Variants in SMARCD2 observed in about 807,000 individuals in gnomAD.
The protein encoded by SMARCD2 is SWI/SNF related BAF chromatin remodeling complex subunit D2, also known as SWI/SNF-related matrix-associated actin-dependent regulator of chromatin subfamily D member 2.
SMARCD2 carries 39 observed loss-of-function variants against 70.4 expected under a neutral mutation model. The ratio of observed to expected loss-of-function variants is 0.55; its 90% CI spans 0.43 to 0.72. SMARCD2 has a LOEUF of 0.72. SMARCD2 is among the 30% of genes least tolerant of loss of function. The pLI is 0.00. For synonymous variants in SMARCD2, 249 were observed against 279.4 expected (o/e 0.89, Z 1.08); for missense variants, 540 against 713.4 (o/e 0.76, Z 2.77).
rs910899611 is a variant in SMARCD2 at position 63,832,548 on chromosome 17, G to A, written c.*390C>T. On this transcript the variant is annotated 3_prime_UTR_variant, in exon 13 of 13. Transcript: ENST00000448276. ...GGTTTAGAAAGGCTAGGAAGAGTCTGGGCTGCACCTCCTCTTCCTAGCCCA... is the reference window on the plus strand; with the variant it reads ...GGTTTAGAAAGGCTAGGAAGAGTCTAGGCTGCACCTCCTCTTCCTAGCCCA... The A allele has an allele frequency of 6.6e-6, 2 of 304,092 alleles. No homozygotes were observed. The highest frequency in any genetic ancestry group is 9.4e-5 in the Admixed American group (2 of 21,370). 18.8% of individuals were successfully genotyped at this position (304,092 alleles called of 1,614,324 possible).
Position 63,842,452 on chromosome 17 carries a change from T to C in SMARCD2, c.216+7A>G, listed in dbSNP as rs1280113731. 2 of 1,328,570 alleles carry C rather than the reference T, an allele frequency of 1.5e-6. No individual in the cohort carries two copies. The highest frequency in any genetic ancestry group is 1.9e-6 in the Non-Finnish European group (2 of 1,038,972). 82.3% of individuals were successfully genotyped at this position (1,328,570 alleles called of 1,614,324 possible). A position where few individuals can be genotyped will look rare whatever the true frequency, so the allele number is the denominator to read the frequency against. On this transcript the variant is annotated splice_region_variant and intron_variant, in intron 1 of 12. Transcript: ENST00000448276. ...CGCCCCCGTCCGCTCGCGTCCTCCT[T>C]GCTCACCTGGTACTGCGCCGCGGGG...
At chr17:63,836,295 A>G (rs2040264633) in intron 4 of SMARCD2, among the ~76,000 whole-genome samples, 1 of 151,964 alleles carries the variant, frequency 6.6e-6, no homozygotes. Context: ...AGGCCGAGGC[A>G]GTCAGGAGTT....
intron 1 of SMARCD2, among the ~76,000 whole-genome samples, chr17:63,839,601 A>C (rs1904364588): frequency 6.6e-6 from 1 of 152,058 alleles, no homozygotes; most frequent in Admixed American, 6.5e-5. Flanking sequence ...AAACAAAAAA[A>C]AACAACTCAG....
rs911372918 is a variant in SMARCD2, at chr17:63,836,947, T to C, written c.542A>G (p.Gln181Arg). The change falls in exon 4 of 13, where the codon CAG (glutamine) becomes CGG (arginine). Residue 181 changes from glutamine (Q) to arginine (R), a missense_variant. Transcript: ENST00000448276. ...TGTCAGAGGCTTTTTGATGGCCTCC[T>C]GGATCTCCATCCGCTTGCGAGCAAT... ...QTIARKRMEIQEAIKKPLTQK... is the reference protein window; with the variant it reads ...QTIARKRMEIREAIKKPLTQK... 22 of 1,613,774 alleles carry C rather than the reference T, an allele frequency of 1.4e-5. No individual in the cohort carries two copies. The highest frequency in any genetic ancestry group is 1.7e-5 in the Non-Finnish European group (20 of 1,179,808).
rs1360033928 is a variant in SMARCD2, at chr17:63,842,480, C to G, written c.195G>C (p.Ala65=). ...GAAAFRPMGP[A]GPAAQYQRPG... ...TCACCTGGTACTGCGCCGCGGGGCC[C>G]GCGGGGCCCATGGGGCGGAAGGCGG... Residue 65 remains alanine, a synonymous_variant, in exon 1 of 13, where the codon GCG becomes GCC. Transcript: ENST00000448276. 6 of 1,251,124 alleles carry G rather than the reference C, an allele frequency of 4.8e-6. No homozygotes were observed. The highest frequency in any genetic ancestry group is 1.6e-5 in the African/African-American group (1 of 63,648). 77.5% of individuals were successfully genotyped at this position (1,251,124 alleles called of 1,614,324 possible). A position where few individuals can be genotyped will look rare whatever the true frequency, so the allele number is the denominator to read the frequency against.
Position 63,832,900 on chromosome 17 carries a change from T to C in SMARCD2, c.*38A>G. Reference sequence around the variant, plus strand: ...GCAAGGACCCAGAGGGTGGTCTCCCTCCAGGCTCCAGGGCTGGGAAGAAAG... The same window carrying C: ...GCAAGGACCCAGAGGGTGGTCTCCCCCCAGGCTCCAGGGCTGGGAAGAAAG... On this transcript the variant is annotated 3_prime_UTR_variant, in exon 13 of 13. Transcript: ENST00000448276. The C allele has an allele frequency of 6.5e-7, 1 of 1,546,868 alleles. No individual in the cohort carries two copies. Among genetic ancestry groups the C allele is most frequent in the Non-Finnish European group, 8.7e-7 (1 of 1,144,050 alleles).
At position 63,837,681 on chromosome 17, in the gene SMARCD2, C is replaced by T; in HGVS notation, c.217-56G>A. The stretch of plus-strand genomic sequence containing the variant: ...GGTCAGGGGCAAGGCCCTCCGGGAC[C>T]CATAGCCCATGCCCTCCATCCCTCT... On this transcript the variant is annotated intron_variant, in intron 1 of 12. Coordinates refer to ENST00000448276, the MANE Select transcript of SMARCD2 (RefSeq NM_001098426.2). The surrounding 1 kb of genome is among the most constrained non-coding windows in gnomAD (Gnocchi z 6.4). 7.0e-7 allele frequency: 1 copy of T among 1,431,382 alleles called. No homozygotes were observed. The highest frequency in any genetic ancestry group is 9.6e-7 in the Non-Finnish European group (1 of 1,039,516). The allele number at this position is 1,431,382 out of a possible 1,614,324, so 88.7% of individuals were successfully genotyped here. A position where few individuals can be genotyped will look rare whatever the true frequency, so the allele number is the denominator to read the frequency against.
At chr17:63,840,251 C>T (rs1446647478) in intron 1 of SMARCD2, among the ~76,000 whole-genome samples, 1 of 151,928 alleles carries the variant, frequency 6.6e-6, no homozygotes, top group Non-Finnish European at 1.5e-5. Context: ...CTCAATGCAG[C>T]CTTGAACTCC....
At chr17:63,838,460 C>T in intron 1 of SMARCD2, 1 of 660,984 alleles carries the variant, frequency 1.5e-6, no homozygotes, top group Non-Finnish European at 2.3e-6. Flanking sequence ...GCAGCCAGGA[C>T]TGGCTCTGGC....
chr17:63,838,574 A>G, intron 1 of SMARCD2: 1 of 1,423,442 alleles, frequency 7.0e-7, no homozygotes, highest in East Asian at 2.7e-5. Flanking sequence ...GGAGACAGAA[A>G]TAGCTTCTTT....
At position 63,842,503 on chromosome 17, in the gene SMARCD2, C is replaced by A; in HGVS notation, c.172G>T (p.Ala58Ser). ...CCCGCGGGGCCCATGGGGCGGAAGG[C>A]GGCGGCCCCGGGGCCCCCCACGCCT... is the stretch of plus-strand genomic sequence containing the variant. ...AGGVGGPGAAAFRPMGPAGPA... is the reference protein window; with the variant it reads ...AGGVGGPGAASFRPMGPAGPA... Residue 58 changes from alanine to serine, a missense_variant, in exon 1 of 13, where the codon GCC (alanine) becomes TCC (serine). Ala to Ser is a moderately conservative substitution (Grantham distance 99). Coordinates refer to ENST00000448276, the MANE Select transcript of SMARCD2 (RefSeq NM_001098426.2). The A allele has an allele frequency of 8.1e-7, 1 of 1,233,530 alleles. No homozygotes were observed. Among genetic ancestry groups the A allele is most frequent in the Non-Finnish European group, 1.0e-6 (1 of 990,692 alleles). The allele number at this position is 1,233,530 out of a possible 1,614,324, so 76.4% of individuals were successfully genotyped here. A position where few individuals can be genotyped will look rare whatever the true frequency, so the allele number is the denominator to read the frequency against.
At chr17:63,840,559 G>A (rs182732667) in intron 1 of SMARCD2, among the ~76,000 whole-genome samples, 127 of 152,122 alleles carry the variant, frequency 8.3e-4, no homozygotes, top group Non-Finnish European at 1.6e-3. Flanking sequence ...CTGGAGGAAG[G>A]GAGGTCATCA....
Position 63,834,320 on chromosome 17 carries a change from C to G in SMARCD2, c.930G>C (p.Gln310His). The change falls in exon 8 of 13, where the codon CAG becomes CAC. Residue 310 changes from glutamine (Q) to histidine (H), a missense_variant. By Grantham distance (24) the Gln-to-His change is conservative. Transcript: ENST00000448276. The surrounding 1 kb of genome is among the most constrained non-coding windows in gnomAD (Gnocchi z 5.6). ...TTGCCAATCGGGGGTCCAATTTGTA[C>G]TGGGGAGGCTGGAGTTGGATGGAGG... is the stretch of plus-strand genomic sequence containing the variant. ...LLLMLDHQPP[Q>H]YKLDPRLARL... The G allele has an allele frequency of 6.2e-7, 1 of 1,611,194 alleles. No individual in the cohort carries two copies. The highest frequency in any genetic ancestry group is 8.5e-7 in the Non-Finnish European group (1 of 1,178,040).
At position 63,833,149 on chromosome 17, in the gene SMARCD2, T is replaced by C. The variant is rs1433576217; in HGVS notation, c.1462A>G (p.Asn488Asp). 9 of 1,608,416 alleles carry C rather than the reference T, an allele frequency of 5.6e-6. No individual in the cohort carries two copies. The highest frequency in any genetic ancestry group is 1.7e-5 in the Admixed American group (1 of 59,016). The change falls in exon 12 of 13, where the codon AAT (asparagine) becomes GAT (aspartate). Residue 488 changes from asparagine (N) to aspartate (D), a missense_variant. Transcript: ENST00000448276. The surrounding 1 kb of genome is among the most constrained non-coding windows in gnomAD (Gnocchi z 4.3). ...GCAGCTCGTCTCTCCTCCTCAGGAT[T>C]TCCAATCACATCAGTGATGATCTGC... ...DLKIITDVIG[N>D]PEEERRAAFY... is the part of the protein sequence containing the mutation.
intron 1 of SMARCD2, chr17:63,838,787 A>C (rs957232658): frequency 7.9e-7 from 1 of 1,272,154 alleles, no homozygotes; most frequent in Non-Finnish European, 9.9e-7. Flanking sequence ...GAGCACAACC[A>C]GCCAACCAAG....
In SMARCD2 at chr17:63,833,019, A is replaced by C; in HGVS notation, c.1543-28T>G. On this transcript the variant is annotated intron_variant, in intron 12 of 12. Coordinates refer to ENST00000448276, the MANE Select transcript of SMARCD2 (RefSeq NM_001098426.2). The surrounding 1 kb of genome is among the most constrained non-coding windows in gnomAD (Gnocchi z 4.3). Reference sequence around the variant, plus strand: ...GGAGAAGGGAGAAACCAAGTGGCTCAGGCCTTTGCTACTCACGGCCAAAGG... The same window carrying C: ...GGAGAAGGGAGAAACCAAGTGGCTCCGGCCTTTGCTACTCACGGCCAAAGG... The C allele has an allele frequency of 1.3e-6, 2 of 1,586,612 alleles. No homozygotes were observed. The highest frequency in any genetic ancestry group is 1.7e-6 in the Non-Finnish European group (2 of 1,167,558).
At position 63,834,090 on chromosome 17, in the gene SMARCD2, C is replaced by T; in HGVS notation, c.1083+77G>A. 2 of 1,596,086 alleles carry T rather than the reference C, an allele frequency of 1.3e-6. No individual in the cohort carries two copies. Among genetic ancestry groups the T allele is most frequent in the Non-Finnish European group, 1.7e-6 (2 of 1,165,354 alleles). On this transcript the variant is annotated intron_variant, in intron 8 of 12. Coordinates refer to ENST00000448276, the MANE Select transcript of SMARCD2 (RefSeq NM_001098426.2). The surrounding 1 kb of genome is among the most constrained non-coding windows in gnomAD (Gnocchi z 5.6). ...CAGGACCAGTGAGGGCAGCAGTCTG[C>T]AGGCTGTGGCCAAGGAGTAGCCCAG...
intron 1 of SMARCD2, among the ~76,000 whole-genome samples, chr17:63,840,384 G>A (rs1328143842): frequency 1.3e-5 from 2 of 151,366 alleles, no homozygotes; most frequent in Non-Finnish European, 2.9e-5. Flanking sequence ...ATGTTGCTTA[G>A]GCTGGTCTTG....
Position 63,834,997 on chromosome 17 carries a change from TTCC to T in SMARCD2, c.724-200_724-198del, listed in dbSNP as rs1328927465. 4 of 589,926 alleles carry T rather than the reference TTCC, an allele frequency of 6.8e-6. No homozygotes were observed. Among genetic ancestry groups the T allele is most frequent in the East Asian group, 2.8e-5 (1 of 35,682 alleles). 36.5% of individuals were successfully genotyped at this position (589,926 alleles called of 1,614,324 possible). A position where few individuals can be genotyped will look rare whatever the true frequency, so the allele number is the denominator to read the frequency against. On this transcript the variant is annotated intron_variant, in intron 5 of 12. Transcript: ENST00000448276. The surrounding 1 kb of genome is among the most constrained non-coding windows in gnomAD (Gnocchi z 5.6). ...TGCCCTCTTGCAGCCCACGAGGGAC[TTCC>T]TCGAGACACTCGACTGCCATCTGCA... is the stretch of plus-strand genomic sequence containing the variant.
Sources: gnomAD v4.1 joint callset for allele counts (sites outside exome capture counted in the v4.1 genomes callset) on GRCh38, gnomAD v4.1.1 for gene constraint, Gnocchi (gnomAD v3.1) non-coding constraint, MANE v1.5 for transcripts, NCBI Gene and HGNC (gene_info 2026-07-23, HGNC 2026-07-21) for gene names.